The following WDR64 variants were observed in gnomAD, a reference collection of about 807,000 sequenced individuals.
WDR64 encodes WD repeat-containing protein 64.
A neutral mutation model predicts 139.3 loss-of-function variants in WDR64; 112 were observed. That is an observed-to-expected ratio of 0.80 (90% CI 0.69 to 0.94). The LOEUF (loss-of-function observed/expected upper bound fraction) is 0.94, where lower values mean the gene tolerates loss of function less well. WDR64 is among the 40% of genes least tolerant of loss of function. The pLI is 0.00. For synonymous variants in WDR64, 444 were observed against 437.7 expected (o/e 1.01, Z -0.18); for missense variants, 1,206 against 1,293.1 (o/e 0.93, Z 1.03).
rs758702849 is a variant in WDR64, at chr1:241,741,629, C to A, written c.1435C>A (p.Gln479Lys). 5.6e-6 allele frequency: 9 copies of A among 1,612,544 alleles called. No individual in the cohort carries two copies. Among genetic ancestry groups the A allele is most frequent in the Non-Finnish European group, 7.6e-6 (9 of 1,179,718 alleles). Residue 479 changes from glutamine to lysine, a missense_variant, in exon 12 of 28, where the codon CAA (glutamine) becomes AAA (lysine). Coordinates refer to ENST00000437684, the MANE Select transcript of WDR64 (RefSeq NM_001367482.1). ...NVMLYNKYFH[Q>K]VLTICSESII... is the part of the protein sequence containing the mutation. ...CATGCTTTACAACAAATATTTTCAT[C>A]AAGTACTCACTATCTGCTCTGAATC...
chr1:241,746,241 G>A (rs1390726118), intron 13 of WDR64, among the ~76,000 whole-genome samples: 1 of 152,062 alleles, frequency 6.6e-6, no homozygotes, highest in African/African-American at 2.4e-5. Context: ...AGCAGGATTC[G>A]AGCTGAGGGA....
chr1:241,711,788 T>C lies in WDR64; in HGVS notation c.975-14T>C, dbSNP rs371067644. The C allele has an allele frequency of 6.2e-7, 1 of 1,613,472 alleles. No individual in the cohort carries two copies. Among genetic ancestry groups the C allele is most frequent in the Non-Finnish European group, 8.5e-7 (1 of 1,179,422 alleles). On this transcript the variant is annotated splice_polypyrimidine_tract_variant and intron_variant, in intron 8 of 27. Coordinates refer to ENST00000437684, the MANE Select transcript of WDR64 (RefSeq NM_001367482.1). Reference sequence around the variant, plus strand: ...AAAAATATATATGTTTTCCATCTAATTTGTGTTTTCCAGGCCTGTCAGAGA... The same window carrying C: ...AAAAATATATATGTTTTCCATCTAACTTGTGTTTTCCAGGCCTGTCAGAGA...
At chr1:241,760,213 T>A (rs1326869811) in intron 15 of WDR64, among the ~76,000 whole-genome samples, 4 of 152,118 alleles carry the variant, frequency 2.6e-5, no homozygotes, top group African/African-American at 9.7e-5. Flanking sequence ...TTTTTGAAAA[T>A]GCTATAGTAT....
chr1:241,717,445 T>G (rs1299933824), intron 9 of WDR64, among the ~76,000 whole-genome samples: 1 of 152,116 alleles, frequency 6.6e-6, no homozygotes, highest in East Asian at 1.9e-4. Context: ...TCTGGTTTAC[T>G]AGATGCTATC....
intron 13 of WDR64, 31 bp downstream of exon 13, chr1:241,744,547 T>C: frequency 6.2e-7 from 1 of 1,610,010 alleles, no homozygotes; most frequent in Non-Finnish European, 8.5e-7. Context: ...GTGGCGTCCC[T>C]GCTTTAGTGT....
At chr1:241,731,560 A>G (rs1186793024) in intron 10 of WDR64, among the ~76,000 whole-genome samples, 1 of 152,202 alleles carries the variant, frequency 6.6e-6, no homozygotes, top group Non-Finnish European at 1.5e-5. Flanking sequence ...TCAGGATTCA[A>G]CTGAGATAGT....
At chr1:241,715,104 A>G (rs1214097285) in intron 9 of WDR64, among the ~76,000 whole-genome samples, 1 of 152,220 alleles carries the variant, frequency 6.6e-6, no homozygotes, top group East Asian at 1.9e-4. Context: ...AAGAAAAGAA[A>G]GGAAGGCATA....
At chr1:241,669,256 G>A (rs1220076664) in intron 2 of WDR64, among the ~76,000 whole-genome samples, 1 of 152,174 alleles carries the variant, frequency 6.6e-6, no homozygotes, top group Non-Finnish European at 1.5e-5. Context: ...CCCTGACCCT[G>A]GACCACCTGA....
rs116189357 is a variant in WDR64 at position 241,694,075 on chromosome 1, A to C, written c.974+6480A>C. 8.1e-3 allele frequency among the ~76,000 whole-genome samples: 1,228 copies of C among 152,106 alleles called. 10 individuals are homozygous for C. Among genetic ancestry groups the C allele is most frequent in the African/African-American group, 0.028 (1,154 of 41,424 alleles). Reference sequence around the variant, plus strand: ...CCTAACAAAATGCATGATGTCCTTTAGGTGCTCTTGAGCTGTTTAAATGAA... The same window carrying C: ...CCTAACAAAATGCATGATGTCCTTTCGGTGCTCTTGAGCTGTTTAAATGAA... On this transcript the variant is annotated intron_variant, in intron 8 of 27. Coordinates refer to ENST00000437684, the MANE Select transcript of WDR64 (RefSeq NM_001367482.1).
intron 14 of WDR64, among the ~76,000 whole-genome samples, chr1:241,755,466 CCT>C (rs1670152966): frequency 6.6e-6 from 1 of 152,014 alleles, no homozygotes; most frequent in African/African-American, 2.4e-5. Flanking sequence ...GCATATTACC[CCT>C]TTGTCAGATA....
intron 4 of WDR64, among the ~76,000 whole-genome samples, chr1:241,675,209 T>C (rs1451153365): frequency 1.1e-4 from 6 of 55,374 alleles, no homozygotes; most frequent in Non-Finnish European, 1.6e-4. Context: ...TTCCCTCCCT[T>C]CCTCCCTCCC....
chr1:241,744,633 G>A, intron 13 of WDR64, 117 bp downstream of exon 13: 2 of 1,375,944 alleles, frequency 1.5e-6, no homozygotes, highest in Non-Finnish European at 2.0e-6. Context: ...ACTATGTCTG[G>A]GTGCCAGTGA....
chr1:241,759,093 T>G (rs1461139049), intron 15 of WDR64, among the ~76,000 whole-genome samples: 1 of 152,160 alleles, frequency 6.6e-6, no homozygotes, highest in Non-Finnish European at 1.5e-5. Flanking sequence ...TATAATGTAT[T>G]CTTCTATATA....
rs544401027 is a variant in WDR64, at chr1:241,674,256, C to CTTTTTTTTTTTTTTTTTTTTTTTT, written c.380-384_380-383insTTTTTTTTTTTTTTTTTTTTTTTT. 2.5e-5 allele frequency among the ~76,000 whole-genome samples: 3 copies of CTTTTTTTTTTTTTTTTTTTTTTTT among 121,350 alleles called. 1 individual carries two copies. Among genetic ancestry groups the CTTTTTTTTTTTTTTTTTTTTTTTT allele is most frequent in the Non-Finnish European group, 1.7e-5 (1 of 58,918 alleles). The allele number at this position is 121,350 out of a possible 152,430, so 79.6% of individuals were successfully genotyped here. A position where few individuals can be genotyped will look rare whatever the true frequency, so the allele number is the denominator to read the frequency against. On this transcript the variant is annotated intron_variant, in intron 3 of 27. Transcript: ENST00000437684. The stretch of plus-strand genomic sequence containing the variant: ...AAGCTGGCTGTTTATCTTTTTTTTT[C>CTTTTTTTTTTTTTTTTTTTTTTTT]TTTTCTTTTTTTTTTTTTTTGAGAC...
At chr1:241,767,081 A>ACCTACT (rs1658207440) in intron 16 of WDR64, among the ~76,000 whole-genome samples, 1 of 152,072 alleles carries the variant, frequency 6.6e-6, no homozygotes, top group Non-Finnish European at 1.5e-5. Context: ...CATCTTCCCA[A>ACCTACT]CCTACTCCCC....
chr1:241,688,859 AC>A (rs1667106512), intron 8 of WDR64, among the ~76,000 whole-genome samples: 3 of 152,264 alleles, frequency 2.0e-5, no homozygotes, highest in South Asian at 4.1e-4. Flanking sequence ...CAGGAGTTCA[AC>A]AGATTCTTAA....
chr1:241,658,589 T>G (rs1008820299), intron 1 of WDR64, among the ~76,000 whole-genome samples: 1 of 146,860 alleles, frequency 6.8e-6, no homozygotes, highest in Non-Finnish European at 1.5e-5. Context: ...CAGTGAGTCA[T>G]GATTGTGCCA....
intron 7 of WDR64, among the ~76,000 whole-genome samples, chr1:241,685,754 C>T (rs1356886834): frequency 6.6e-6 from 1 of 152,192 alleles, no homozygotes; most frequent in African/African-American, 2.4e-5. Flanking sequence ...CATTTTCCAT[C>T]CTTCACATAT....
chr1:241,660,692 C>A, intron 2 of WDR64, 32 bp downstream of exon 2: 2 of 1,540,792 alleles, frequency 1.3e-6, no homozygotes, highest in Non-Finnish European at 1.8e-6. Flanking sequence ...AATATGAAAT[C>A]CAGGTATTAT....
Sources: gnomAD v4.1 joint callset for allele counts (sites outside exome capture counted in the v4.1 genomes callset) on GRCh38, gnomAD v4.1.1 for gene constraint, MANE v1.5 for transcripts, NCBI Gene and HGNC (gene_info 2026-07-23, HGNC 2026-07-21) for gene names.